ZNF282: variants seen among roughly 807,000 people sequenced by gnomAD.
ZNF282 encodes the protein HTLV-I U5 repressive element-binding protein 1.
ZNF282 carries 30 observed loss-of-function variants against 61.9 expected under a neutral mutation model. The ratio of observed to expected loss-of-function variants is 0.48; its 90% confidence interval spans 0.36 to 0.66. The LOEUF (loss-of-function observed/expected upper bound fraction) is 0.66. Ranked by LOEUF, ZNF282 falls within the 30% of genes least tolerant of loss-of-function variation. The pLI is 0.00. For missense variants in ZNF282, 788 were observed against 941.4 expected (o/e 0.84, Z 2.13); for synonymous variants, 396 against 405.0 (o/e 0.98, Z 0.27).
intron 7 of ZNF282, among the ~76,000 whole-genome samples, chr7:149,218,936 G>A (rs1349208030): frequency 2.0e-5 from 3 of 152,174 alleles, no homozygotes; most frequent in Non-Finnish European, 4.4e-5. Flanking sequence ...CCTCCCTGTG[G>A]AGTCAGGATG....
At position 149,208,877 on chromosome 7, in the gene ZNF282, C is replaced by T. The variant is rs879836275; in HGVS notation, c.832+1407C>T. 1.2e-4 allele frequency among the ~76,000 whole-genome samples: 18 copies of T among 151,644 alleles called. No individual in the cohort carries two copies. The East Asian group carries it at 1.8e-3, about 15-fold the overall frequency. ...CTACTAAAAAATACAAAAAATTAGC[C>T]GGGTGCAGTGGCGTGCACCTGTAAT... On this transcript the variant is annotated intron_variant, in intron 4 of 7. Transcript: ENST00000610704.
intron 1 of ZNF282, among the ~76,000 whole-genome samples, chr7:149,196,196 T>C (rs1210522232): frequency 1.3e-5 from 2 of 152,192 alleles, no homozygotes; most frequent in East Asian, 3.9e-4. Flanking sequence ...GACGGGGATA[T>C]TTTTTAAATG....
Position 149,202,448 on chromosome 7 carries a change from A to AT in ZNF282, c.585+3698dup, listed in dbSNP as rs1795926419. 1.3e-5 allele frequency among the ~76,000 whole-genome samples: 2 copies of AT among 151,900 alleles called. 1 individual carries two copies. The highest frequency in any genetic ancestry group is 4.2e-4 in the South Asian group (2 of 4,814). On this transcript the variant is annotated intron_variant, in intron 2 of 7. Transcript: ENST00000610704. ...GGCCTCAGCCTCCCAAGTAGCTGGG[A>AT]TTACAGGCACACATCACCACGCCCG...
At position 149,224,070 on chromosome 7, in the gene ZNF282, G is replaced by T; in HGVS notation, c.1439G>T (p.Gly480Val). The T allele has an allele frequency of 8.3e-7, 1 of 1,198,976 alleles. No homozygotes were observed. Among genetic ancestry groups the T allele is most frequent in the Non-Finnish European group, 1.0e-6 (1 of 967,630 alleles). 74.3% of individuals were successfully genotyped at this position (1,198,976 alleles called of 1,614,324 possible). ...RSTGGGGGDGGGGGGGAEAGT... is the reference protein window; with the variant it reads ...RSTGGGGGDGVGGGGGAEAGT... Reference sequence around the variant, plus strand: ...ACCGGGGGCGGCGGGGGCGATGGGGGCGGTGGGGGCGGCGGCGCGGAGGCG... The same window carrying T: ...ACCGGGGGCGGCGGGGGCGATGGGGTCGGTGGGGGCGGCGGCGCGGAGGCG... The change falls in exon 8 of 8, where the codon GGC (glycine) becomes GTC (valine). Residue 480 changes from glycine to valine, a missense_variant. By Grantham distance (109) the Gly-to-Val change is moderately radical. This residue lies in a region of ZNF282 where 559 missense variants were observed against 642.0 expected (regional missense o/e 0.87). Transcript: ENST00000610704.
At position 149,198,317 on chromosome 7, in the gene ZNF282, C is replaced by T. The variant is rs1328730300; in HGVS notation, c.166-16C>T. ...AGGTCTCATCCTGGGTTGTCGCTTT[C>T]TCCCTCTGCATACAGGCTCAAGAAT... On this transcript the variant is annotated splice_polypyrimidine_tract_variant and intron_variant, in intron 1 of 7. Transcript: ENST00000610704. The surrounding 1 kb of genome is among the most constrained non-coding windows in gnomAD (Gnocchi z 4.3). The T allele has an allele frequency of 1.3e-6, 2 of 1,584,526 alleles. No homozygotes were observed. Among genetic ancestry groups the T allele is most frequent in the South Asian group, 1.2e-5 (1 of 86,558 alleles).
intron 2 of ZNF282, 58 bp from the exon 3 acceptor site, chr7:149,206,638 G>A (rs1045664016): frequency 3.1e-6 from 5 of 1,609,228 alleles, no homozygotes; most frequent in Admixed American, 1.7e-5. Flanking sequence ...CGCAGGAGAA[G>A]GGGAGGTGGT....
chr7:149,223,016 G>A (rs1178112960), intron 7 of ZNF282, among the ~76,000 whole-genome samples: 1 of 147,438 alleles, frequency 6.8e-6, no homozygotes, highest in African/African-American at 2.5e-5. Flanking sequence ...CAGGCTGGAT[G>A]CCTGGGCCAG....
Position 149,198,480 on chromosome 7 carries a change from A to G in ZNF282, c.313A>G (p.Ile105Val), listed in dbSNP as rs571953952. ...EISLWTVVAA[I>V]QAVERKVDAQ... ...CTCACTCTGGACTGTGGTGGCTGCC[A>G]TTCAGGCTGTGGAGAGGAAGGTGGA... Residue 105 changes from isoleucine (I) to valine (V), a missense_variant, in exon 2 of 8, where the codon ATT becomes GTT. Physicochemically the swap from Ile to Val is conservative, Grantham distance 29. This residue lies in a region of ZNF282 where 92 missense variants were observed against 163.9 expected (regional missense o/e 0.56). Coordinates refer to ENST00000610704, the MANE Select transcript of ZNF282 (RefSeq NM_003575.4). This position sits in a 1 kb window ranked among gnomAD's most constrained non-coding sequence, Gnocchi z 4.3. 6.2e-6 allele frequency: 10 copies of G among 1,614,202 alleles called. No homozygotes were observed. Among genetic ancestry groups the G allele is most frequent in the Non-Finnish European group, 7.6e-6 (9 of 1,180,034 alleles).
Position 149,198,697 on chromosome 7 carries a change from A to G in ZNF282, c.530A>G (p.Asn177Ser). The G allele has an allele frequency of 6.2e-7, 1 of 1,613,948 alleles. No homozygotes were observed. The highest frequency in any genetic ancestry group is 8.5e-7 in the Non-Finnish European group (1 of 1,179,976). ...GAGAACTTGGAGAACTTGCTGCGCA[A>G]CAGGAACTTCTGGGTCCTGCGGCTG... ...RLENLENLLR[N>S]RNFWVLRLPP... The change falls in exon 2 of 8, where the codon AAC becomes AGC. Residue 177 changes from asparagine (N) to serine (S), a missense_variant. Around this residue, in one of 3 missense-constraint regions of ZNF282, gnomAD observed 92 missense variants for 163.9 expected, o/e 0.56. Coordinates refer to ENST00000610704, the MANE Select transcript of ZNF282 (RefSeq NM_003575.4). The surrounding 1 kb of genome is among the most constrained non-coding windows in gnomAD (Gnocchi z 4.3).
chr7:149,210,634 T>G lies in ZNF282; in HGVS notation c.882T>G (p.Arg294=), dbSNP rs1796068182. 1 of 1,612,252 alleles carries G rather than the reference T, an allele frequency of 6.2e-7. No homozygotes were observed. Among genetic ancestry groups the G allele is most frequent in the African/African-American group, 1.3e-5 (1 of 74,932 alleles). The change falls in exon 5 of 8, where the codon CGT becomes CGG. Residue 294 remains arginine, a synonymous_variant. Coordinates refer to ENST00000610704, the MANE Select transcript of ZNF282 (RefSeq NM_003575.4). ...AGGATGCGTCCTCCCAGGTGAAGCG[T>G]GAGGACACCCTGTGTGTCCGGGGTC... The part of the protein sequence containing the change: ...PAQDASSQVK[R]EDTLCVRGQR...
Position 149,225,315 on chromosome 7 carries a change from G to T in ZNF282, c.*668G>T. 6.5e-6 allele frequency: 1 copy of T among 152,872 alleles called. No individual in the cohort carries two copies. Among genetic ancestry groups the T allele is most frequent in the Admixed American group, 6.5e-5 (1 of 15,300 alleles). 9.5% of individuals were successfully genotyped at this position (152,872 alleles called of 1,614,324 possible). On this transcript the variant is annotated 3_prime_UTR_variant, in exon 8 of 8. Coordinates refer to ENST00000610704, the MANE Select transcript of ZNF282 (RefSeq NM_003575.4). ...GGAAGCTGCTGGCCTGGCCCTCCTG[G>T]TCTCTCTTCCTTTCCTGGTCTCTCT... is the stretch of plus-strand genomic sequence containing the variant.
intron 7 of ZNF282, among the ~76,000 whole-genome samples, chr7:149,217,385 A>AAAAC (rs376272894): frequency 8.2e-4 from 125 of 152,230 alleles, no homozygotes; most frequent in South Asian, 1.7e-3. Flanking sequence ...AAAAATACAA[A>AAAAC]AAACAAACAA....
intron 2 of ZNF282, among the ~76,000 whole-genome samples, chr7:149,201,876 G>A (rs1327752138): frequency 1.3e-5 from 2 of 151,964 alleles, no homozygotes; most frequent in Admixed American, 6.6e-5. Context: ...ACTCCCTCCT[G>A]CTCACTCCCA....
intron 7 of ZNF282, among the ~76,000 whole-genome samples, chr7:149,219,538 T>C (rs1358610224): frequency 3.3e-5 from 5 of 152,134 alleles, no homozygotes; most frequent in African/African-American, 1.2e-4. Flanking sequence ...ATATTGTTGG[T>C]GATCTCGGCA....
intron 7 of ZNF282, among the ~76,000 whole-genome samples, chr7:149,215,194 C>CTTTTT (rs1269173207): frequency 5.0e-5 from 6 of 120,112 alleles, no homozygotes; most frequent in Admixed American, 9.5e-5. Flanking sequence ...TATTTCCTGA[C>CTTTTT]ATTTTTTTTT....
At chr7:149,199,703 G>A (rs1211281759) in intron 2 of ZNF282, among the ~76,000 whole-genome samples, 3 of 151,578 alleles carry the variant, frequency 2.0e-5, no homozygotes, top group Non-Finnish European at 4.4e-5. Context: ...AATAAAAATA[G>A]ACAGAATAGT....
In ZNF282 at chr7:149,195,646, G is replaced by C. The variant is rs745613131; in HGVS notation, c.57G>C (p.Gly19=). 1.9e-6 allele frequency: 3 copies of C among 1,606,370 alleles called. No homozygotes were observed. Among genetic ancestry groups the C allele is most frequent in the South Asian group, 2.2e-5 (2 of 90,050 alleles). ...QPQQLGIQGL[G]LDSGSWSWAQ... Reference sequence around the variant, plus strand: ...AGCAGCTGGGCATCCAGGGCCTGGGGCTGGACAGCGGGAGCTGGAGCTGGG... The same window carrying C: ...AGCAGCTGGGCATCCAGGGCCTGGGCCTGGACAGCGGGAGCTGGAGCTGGG... The change falls in exon 1 of 8, where the codon GGG becomes GGC. Residue 19 remains glycine (G), a synonymous_variant. Coordinates refer to ENST00000610704, the MANE Select transcript of ZNF282 (RefSeq NM_003575.4).
Position 149,223,879 on chromosome 7 carries a change from A to ACCGCAG in ZNF282, c.1256_1261dup (p.Pro419_Gln420dup), listed in dbSNP as rs1485301491. 9 of 1,375,020 alleles carry ACCGCAG rather than the reference A, an allele frequency of 6.5e-6. No individual in the cohort carries two copies. Among genetic ancestry groups the ACCGCAG allele is most frequent in the Non-Finnish European group, 8.6e-6 (9 of 1,052,038 alleles). 85.2% of individuals were successfully genotyped at this position (1,375,020 alleles called of 1,614,324 possible). ...CACAGCCCCAGCCCCAGCCCCAGCC[A>ACCGCAG]CCGCAGCCGCAGCTGCAGTCGCAGC... On this transcript the variant is annotated inframe_insertion, in exon 8 of 8. Coordinates refer to ENST00000610704, the MANE Select transcript of ZNF282 (RefSeq NM_003575.4).
At chr7:149,204,573 A>C (rs904791827) in intron 2 of ZNF282, among the ~76,000 whole-genome samples, 1 of 152,162 alleles carries the variant, frequency 6.6e-6, no homozygotes, top group Non-Finnish European at 1.5e-5. Flanking sequence ...TGAAGGGCAC[A>C]TACCGTCGGC....
Sources: gnomAD v4.1 joint callset for allele counts (sites outside exome capture counted in the v4.1 genomes callset) on GRCh38, gnomAD v4.1.1 for gene constraint, gnomAD v4.1.1 regional missense constraint, Gnocchi (gnomAD v3.1) non-coding constraint, MANE v1.5 for transcripts, NCBI Gene and HGNC (gene_info 2026-07-23, HGNC 2026-07-21) for gene names.